SLC35F3: variants seen among roughly 807,000 people sequenced by gnomAD.
The protein encoded by SLC35F3 is solute carrier family 35 member F3.
Under a neutral mutation model 49.9 loss-of-function variants are expected in SLC35F3, and 25 were observed. That is an observed-to-expected ratio of 0.50 (90% CI 0.37 to 0.70). The LOEUF (loss-of-function observed/expected upper bound fraction) is 0.70, where lower values mean the gene tolerates loss of function less well. Ranked by LOEUF, SLC35F3 falls within the 30% of genes least tolerant of loss-of-function variation. The pLI is 0.00. For missense variants in SLC35F3, 525 were observed against 639.8 expected, an observed-to-expected ratio of 0.82 and a Z score of 1.94; for synonymous variants, 275 against 265.4, an observed-to-expected ratio of 1.04 and a Z score of -0.35.
intron 2 of SLC35F3, among the ~76,000 whole-genome samples, chr1:233,992,062 A>T (rs1663363771): frequency 6.6e-6 from 1 of 152,192 alleles, no homozygotes; most frequent in Admixed American, 6.5e-5. Flanking sequence ...GTTGGAGAAT[A>T]GAAGCAGACA....
intron 3 of SLC35F3, among the ~76,000 whole-genome samples, chr1:234,240,240 C>T (rs910764941): frequency 2.6e-5 from 4 of 152,030 alleles, no homozygotes; most frequent in Non-Finnish European, 4.4e-5. Context: ...GAGGCTGAGT[C>T]GGGCGGATCA....
intron 2 of SLC35F3, among the ~76,000 whole-genome samples, chr1:234,014,626 T>C (rs572640399): frequency 3.3e-5 from 5 of 152,264 alleles, no homozygotes; most frequent in African/African-American, 1.2e-4. Flanking sequence ...ATGCATATGG[T>C]AAAGTTACAG....
At chr1:234,322,923 G>A in intron 7 of SLC35F3, 85 bp from the exon 8 acceptor site, 1 of 1,088,644 alleles carries the variant, frequency 9.2e-7, no homozygotes, top group East Asian at 2.5e-5. Context: ...CCAGACAGAG[G>A]AGGGTGCCCC....
intron 4 of SLC35F3, among the ~76,000 whole-genome samples, chr1:234,315,692 A>G (rs961824093): frequency 6.6e-6 from 1 of 152,246 alleles, no homozygotes; most frequent in African/African-American, 2.4e-5. Flanking sequence ...TAAGAGGGAT[A>G]AAATTCTCAG....
At chr1:234,175,080 T>C (rs568480801) in intron 2 of SLC35F3, among the ~76,000 whole-genome samples, 3 of 152,228 alleles carry the variant, frequency 2.0e-5, no homozygotes, top group Non-Finnish European at 4.4e-5. Flanking sequence ...TAGAATTTGC[T>C]TAGGCTCAGA....
At chr1:234,281,877 G>A (rs1001737) in intron 3 of SLC35F3, among the ~76,000 whole-genome samples, 29,197 of 152,028 alleles carry the variant, frequency 0.19, 2,974 homozygotes, top group African/African-American at 0.22. Context: ...AACCAACCAC[G>A]CGCTCATCTG....
At chr1:234,142,142 A>G (rs1665926167) in intron 2 of SLC35F3, among the ~76,000 whole-genome samples, 1 of 152,228 alleles carries the variant, frequency 6.6e-6, no homozygotes, top group South Asian at 2.1e-4. Context: ...ACAACCTAGG[A>G]CATGGTTCTG....
intron 2 of SLC35F3, among the ~76,000 whole-genome samples, chr1:234,053,722 G>A (rs971375677): frequency 6.6e-6 from 1 of 152,200 alleles, no homozygotes; most frequent in African/African-American, 2.4e-5. Flanking sequence ...CGTTGATGCA[G>A]TTTCTTCCTA....
chr1:234,319,649 T>C (rs891530239), intron 6 of SLC35F3, among the ~76,000 whole-genome samples: 1 of 152,146 alleles, frequency 6.6e-6, no homozygotes, highest in African/African-American at 2.4e-5. Context: ...TGCAGTGAGC[T>C]ATGATTGCAC....
At chr1:234,265,585 C>A (rs924776588) in intron 3 of SLC35F3, among the ~76,000 whole-genome samples, 1 of 152,094 alleles carries the variant, frequency 6.6e-6, no homozygotes, top group Non-Finnish European at 1.5e-5. Context: ...TCTCACCAGC[C>A]CCACCATGTC....
At position 234,198,272 on chromosome 1, in the gene SLC35F3, T is replaced by C. The variant is rs192556918; in HGVS notation, c.284-33145T>C. Among the ~76,000 whole-genome samples, 11 of 152,356 alleles carry C rather than the reference T, an allele frequency of 7.2e-5. No homozygotes were observed. The East Asian group carries it at 1.2e-3, about 16-fold the overall frequency. ...TTCTTGACAAAGATGAAACATTTCC[T>C]AGGAAAAGTGTGCTGGATGAGAGTG... On this transcript the variant is annotated intron_variant, in intron 2 of 7. Transcript: ENST00000366618.
chr1:233,969,241 G>A (rs951682931), intron 2 of SLC35F3, among the ~76,000 whole-genome samples: 12 of 152,138 alleles, frequency 7.9e-5, no homozygotes, highest in Non-Finnish European at 1.2e-4. Flanking sequence ...CCCCTTCCAC[G>A]AAGACCAGAG....
intron 3 of SLC35F3, among the ~76,000 whole-genome samples, chr1:234,292,834 C>T (rs934981628): frequency 3.3e-5 from 5 of 152,206 alleles, no homozygotes; most frequent in African/African-American, 1.2e-4. Flanking sequence ...GATGTTTTCT[C>T]CAGGCCTGGG....
chr1:234,273,505 G>A (rs181311431), intron 3 of SLC35F3, among the ~76,000 whole-genome samples: 22 of 152,352 alleles, frequency 1.4e-4, no homozygotes, highest in Admixed American at 1.4e-3. Flanking sequence ...CAGCAGGAAG[G>A]CCAGAAGCAC....
rs142772899 is a variant in SLC35F3, at chr1:233,920,164, G to A, written c.283+14406G>A. Among the ~76,000 whole-genome samples, 782 of 152,284 alleles carry A rather than the reference G, an allele frequency of 5.1e-3. 8 individuals carry two copies. The highest frequency in any genetic ancestry group is 0.014 in the African/African-American group (595 of 41,554). On this transcript the variant is annotated intron_variant, in intron 2 of 7. Coordinates refer to ENST00000366618, the MANE Select transcript of SLC35F3 (RefSeq NM_173508.4). ...AATTGGAGGCAATATTGTAAGTTAC[G>A]GGGTTACCCTTATTAAAAAGGGGAA...
chr1:233,978,795 C>T (rs904494132), intron 2 of SLC35F3, among the ~76,000 whole-genome samples: 2 of 152,040 alleles, frequency 1.3e-5, no homozygotes, highest in East Asian at 1.9e-4. Context: ...TTTGGGAGGC[C>T]GAGGCGGGCG....
intron 3 of SLC35F3, among the ~76,000 whole-genome samples, chr1:234,286,175 C>T (rs539520892): frequency 2.8e-4 from 42 of 152,254 alleles, no homozygotes; most frequent in African/African-American, 1.0e-3. Flanking sequence ...AAAATTGAGG[C>T]TCAGAGAGGA....
At chr1:234,077,364 A>G (rs938226962) in intron 2 of SLC35F3, among the ~76,000 whole-genome samples, 4 of 152,232 alleles carry the variant, frequency 2.6e-5, no homozygotes, top group Admixed American at 2.0e-4. Context: ...GGAAACTTAC[A>G]ATCATGACAG....
At chr1:233,911,133 C>T (rs951436477) in intron 2 of SLC35F3, among the ~76,000 whole-genome samples, 1 of 152,150 alleles carries the variant, frequency 6.6e-6, no homozygotes, top group African/African-American at 2.4e-5. Context: ...GGGAAGGGCT[C>T]ATGGAAAGGC....
Sources: allele counts gnomAD v4.1 joint callset (sites outside exome capture counted in the v4.1 genomes callset), GRCh38; gene constraint gnomAD v4.1.1; transcripts MANE v1.5; gene names NCBI Gene and HGNC (gene_info 2026-07-23, HGNC 2026-07-21).